Variants in USP1 observed in about 807,000 individuals in gnomAD.
The protein encoded by USP1 is ubiquitin specific peptidase 1, also known as ubiquitin carboxyl-terminal hydrolase 1.
Under a neutral mutation model 72.2 loss-of-function variants are expected in USP1, and 18 were observed. The observed-to-expected ratio is 0.25, with a 90% CI of 0.17 to 0.37. USP1 has a LOEUF of 0.37. USP1 is among the 10% of genes least tolerant of loss of function. The probability of loss-of-function intolerance (pLI) is 1.00; values close to 1 mark genes in which losing one functional copy is unlikely to be tolerated. For synonymous variants in USP1, 354 were observed against 303.7 expected (o/e 1.17, Z -1.72); for missense variants, 759 against 884.9 (o/e 0.86, Z 1.81).
chr1:62,439,147 C>T (rs1471156209), intron 1 of USP1, among the ~76,000 whole-genome samples: 1 of 152,062 alleles, frequency 6.6e-6, no homozygotes, highest in Non-Finnish European at 1.5e-5. Context: ...TGGTAGTGCT[C>T]AGTCAATATT....
chr1:62,439,811 A>C lies in USP1; in HGVS notation c.-57A>C, dbSNP rs534244761. On this transcript the variant is annotated 5_prime_UTR_variant, in exon 2 of 9. It removes the in-frame stop codon of an upstream open reading frame in the 5' UTR. Coordinates refer to ENST00000339950, the MANE Select transcript of USP1 (RefSeq NM_003368.5). ...CTGTGATTAACAGATATAATTGGTG[A>C]TTACAACTTTCCTCTATAAATTAAC... is the stretch of plus-strand genomic sequence containing the variant. 7.6e-7 allele frequency: 1 copy of C among 1,308,536 alleles called. No individual in the cohort carries two copies. The highest frequency in any genetic ancestry group is 1.5e-5 in the African/African-American group (1 of 66,260). 81.1% of individuals were successfully genotyped at this position (1,308,536 alleles called of 1,614,324 possible).
intron 8 of USP1, among the ~76,000 whole-genome samples, chr1:62,449,982 G>A (rs757937342): frequency 5.8e-4 from 87 of 151,066 alleles, no homozygotes; most frequent in Admixed American, 2.3e-3. Context: ...TTTCTTAACT[G>A]CACAAAATTA....
chr1:62,447,503 G>A lies in USP1; in HGVS notation c.1412G>A (p.Ser471Asn). Reference protein sequence around the residue: ...QEDELSKVEESSEISPEPKTE... With the variant: ...QEDELSKVEENSEISPEPKTE... ...GATGAGCTTTCCAAAGTAGAGGAGA[G>A]TTCTGAAAGTAAGCAAAATTGGAGT... Residue 471 changes from serine (S) to asparagine (N), a missense_variant, in exon 7 of 9, where the codon AGT becomes AAT. Transcript: ENST00000339950. 1.2e-6 allele frequency: 2 copies of A among 1,609,488 alleles called. No homozygotes were observed. The highest frequency in any genetic ancestry group is 1.7e-6 in the Non-Finnish European group (2 of 1,178,730).
At chr1:62,440,594 ACTACTCC>A (rs1645125807) in intron 2 of USP1, among the ~76,000 whole-genome samples, 1 of 152,214 alleles carries the variant, frequency 6.6e-6, no homozygotes, top group African/African-American at 2.4e-5. Flanking sequence ...TGGAGTCTGT[ACTACTCC>A]CTGTTTAACA....
In USP1 at chr1:62,443,269, A is replaced by G. The variant is rs1645145859; in HGVS notation, c.507A>G (p.Lys169=). 1.2e-6 allele frequency: 2 copies of G among 1,613,956 alleles called. No homozygotes were observed. The highest frequency in any genetic ancestry group is 1.3e-5 in the African/African-American group (1 of 74,930). Residue 169 remains lysine (K), a synonymous_variant, in exon 5 of 9, where the codon AAA becomes AAG. Transcript: ENST00000339950. ...CTAGTTTTCTCTTAAATCCAGAGAA[A>G]TATACTGATGAACTTGCCACTCAGC... ...LQASFLLNPE[K]YTDELATQPR... is the part of the protein sequence containing the mutation.
At chr1:62,444,684 T>TAAA (rs1645157574) in intron 5 of USP1, 54 bp from the exon 6 acceptor site, 1 of 1,357,514 alleles carries the variant, frequency 7.4e-7, no homozygotes, top group Non-Finnish European at 9.9e-7. Context: ...ATATAGGCTT[T>TAAA]ATGTACTGTA....
chr1:62,442,811 T>C (rs747500347), intron 4 of USP1, among the ~76,000 whole-genome samples: 4 of 152,128 alleles, frequency 2.6e-5, no homozygotes, highest in Non-Finnish European at 4.4e-5. Context: ...GAGACCAGCC[T>C]GGGTAACATG....
chr1:62,442,316 A>T lies in USP1; in HGVS notation c.396+17A>T. ...AAAGACAAGGTAAGAAAAATAAAGAACAGAAAATAATGTAAAAAGCAAAAG... is the reference window on the plus strand; with the variant it reads ...AAAGACAAGGTAAGAAAAATAAAGATCAGAAAATAATGTAAAAAGCAAAAG... On this transcript the variant is annotated intron_variant, in intron 4 of 8. Transcript: ENST00000339950. 1 of 1,542,750 alleles carries T rather than the reference A, an allele frequency of 6.5e-7. No individual in the cohort carries two copies. Among genetic ancestry groups the T allele is most frequent in the Non-Finnish European group, 8.8e-7 (1 of 1,133,954 alleles).
intron 7 of USP1, 104 bp downstream of exon 7, chr1:62,447,615 C>G (rs1571138647): frequency 7.5e-7 from 1 of 1,324,694 alleles, no homozygotes; most frequent in East Asian, 2.5e-5. Context: ...GGGAAAAAAG[C>G]TAGCTTTTAG....
intron 7 of USP1, 151 bp downstream of exon 7, chr1:62,447,662 T>G: frequency 1.3e-6 from 1 of 797,040 alleles, no homozygotes; most frequent in Non-Finnish European, 1.9e-6. Flanking sequence ...TGGCTTCACT[T>G]ATAAATGGTT....
Position 62,451,164 on chromosome 1 carries a change from T to C in USP1, c.*183T>C. 1 of 629,342 alleles carries C rather than the reference T, an allele frequency of 1.6e-6. No homozygotes were observed. The highest frequency in any genetic ancestry group is 2.4e-6 in the Non-Finnish European group (1 of 408,782). 39.0% of individuals were successfully genotyped at this position (629,342 alleles called of 1,614,324 possible). On this transcript the variant is annotated 3_prime_UTR_variant, in exon 9 of 9. Coordinates refer to ENST00000339950, the MANE Select transcript of USP1 (RefSeq NM_003368.5). ...ACCATGTTAATTTTTAGAACTCATT[T>C]TCCTCAGTAGAGACTAGTGATGCAT...
At chr1:62,448,861 CA>C (rs1310755378) in intron 8 of USP1, among the ~76,000 whole-genome samples, 195 bp downstream of exon 8, 2 of 152,016 alleles carry the variant, frequency 1.3e-5, no homozygotes, top group Admixed American at 6.6e-5. Context: ...GATATGAATA[CA>C]TATTCTATTA....
intron 1 of USP1, among the ~76,000 whole-genome samples, chr1:62,438,082 A>G (rs547710907): frequency 3.3e-5 from 5 of 151,936 alleles, no homozygotes; most frequent in Middle Eastern, 6.8e-3. Context: ...ATAGCAAGGA[A>G]GATACTGCAC....
intron 6 of USP1, 126 bp from the exon 7 acceptor site, chr1:62,447,215 A>G (rs1645181751): frequency 3.3e-6 from 3 of 922,224 alleles, no homozygotes; most frequent in Admixed American, 3.0e-5. Context: ...TAATAATGCT[A>G]ATAAGCTGAT....
intron 2 of USP1, 148 bp downstream of exon 2, chr1:62,440,185 T>C: frequency 3.3e-6 from 2 of 601,638 alleles, no homozygotes; most frequent in Non-Finnish European, 5.0e-6. Context: ...CAGTTTATAG[T>C]AGGAACAGCA....
chr1:62,445,099 A>C lies in USP1; in HGVS notation c.919A>C (p.Thr307Pro). The C allele has an allele frequency of 6.2e-7, 1 of 1,613,134 alleles. No homozygotes were observed. The highest frequency in any genetic ancestry group is 8.5e-7 in the Non-Finnish European group (1 of 1,179,804). Residue 307 changes from threonine (T) to proline (P), a missense_variant, in exon 6 of 9, where the codon ACA becomes CCA. Physicochemically the swap from Thr to Pro is conservative, Grantham distance 38 (BLOSUM62 -1). Coordinates refer to ENST00000339950, the MANE Select transcript of USP1 (RefSeq NM_003368.5). ...QRQTRSKRKA[T>P]SDTLESPPKI... is the part of the protein sequence containing the mutation. ...ACAAACTAGATCAAAAAGAAAAGCT[A>C]CAAGTGATACATTAGAGAGTCCTCC...
At chr1:62,443,489 T>G (rs1312290080) in intron 5 of USP1, among the ~76,000 whole-genome samples, 170 bp downstream of exon 5, 1 of 152,182 alleles carries the variant, frequency 6.6e-6, no homozygotes, top group Non-Finnish European at 1.5e-5. Context: ...TTTCATAAAT[T>G]TGGTGCTAAA....
Position 62,443,331 on chromosome 1 carries a change from A to T in USP1, c.557+12A>T. ...CTTAACACACTGAGGTATAGCCTAT[A>T]ATATAATTTTAGGGTTTCAATTTAG... is the stretch of plus-strand genomic sequence containing the variant. On this transcript the variant is annotated intron_variant, in intron 5 of 8. Transcript: ENST00000339950. 6.3e-7 allele frequency: 1 copy of T among 1,578,716 alleles called. No homozygotes were observed. The highest frequency in any genetic ancestry group is 8.6e-7 in the Non-Finnish European group (1 of 1,168,598).
chr1:62,450,833 T>G lies in USP1; in HGVS notation c.2210T>G (p.Val737Gly). 6.2e-7 allele frequency: 1 copy of G among 1,614,056 alleles called. No homozygotes were observed. The highest frequency in any genetic ancestry group is 8.5e-7 in the Non-Finnish European group (1 of 1,179,982). The change falls in exon 9 of 9, where the codon GTG becomes GGG. Residue 737 changes from valine (V) to glycine (G), a missense_variant. Coordinates refer to ENST00000339950, the MANE Select transcript of USP1 (RefSeq NM_003368.5). ...TTTGAGAACAAAATTTCATACGTAGTGCAAAGCTTAAAGGAGTATGAGGGG... is the reference window on the plus strand; with the variant it reads ...TTTGAGAACAAAATTTCATACGTAGGGCAAAGCTTAAAGGAGTATGAGGGG... The part of the protein sequence containing the change: ...SGFENKISYV[V>G]QSLKEYEGKW...
Sources: gnomAD v4.1 joint callset for allele counts (sites outside exome capture counted in the v4.1 genomes callset) on GRCh38, gnomAD v4.1.1 for gene constraint, MANE v1.5 for transcripts, NCBI Gene and HGNC (gene_info 2026-07-23, HGNC 2026-07-21) for gene names.